AKAP6: variants seen among roughly 807,000 people sequenced by gnomAD.
AKAP6 encodes the protein A-kinase anchor protein 6.
In AKAP6, 58 loss-of-function variants were observed where a neutral mutation model predicts 188.5. The observed-to-expected ratio is 0.31, with a 90% CI of 0.25 to 0.38. The LOEUF (loss-of-function observed/expected upper bound fraction) is 0.38, where lower values mean the gene tolerates loss of function less well. AKAP6 is among the 10% of genes least tolerant of loss of function. The pLI is 1.00. For missense variants in AKAP6, 2,710 were observed against 2,740.0 expected (o/e 0.99, Z 0.24); for synonymous variants, 989 against 998.6 (o/e 0.99, Z 0.18).
chr14:32,658,388 A>G (rs996303663), intron 7 of AKAP6, among the ~76,000 whole-genome samples: 1 of 152,048 alleles, frequency 6.6e-6, no homozygotes, highest in Non-Finnish European at 1.5e-5. Context: ...TTAATATTCT[A>G]AATTTGATGT....
In AKAP6 at chr14:32,823,758, A is replaced by C; in HGVS notation, c.5945A>C (p.Lys1982Thr). The C allele has an allele frequency of 6.2e-7, 1 of 1,613,684 alleles. No homozygotes were observed. Among genetic ancestry groups the C allele is most frequent in the Non-Finnish European group, 8.5e-7 (1 of 1,179,926 alleles). Residue 1982 changes from lysine (K) to threonine (T), a missense_variant, in exon 13 of 14, where the codon AAG becomes ACG. Around this residue, in one of 2 missense-constraint regions of AKAP6, gnomAD observed 2,473 missense variants for 2,426.1 expected, o/e 1.02. Coordinates refer to ENST00000280979, the MANE Select transcript of AKAP6 (RefSeq NM_004274.5). The stretch of plus-strand genomic sequence containing the variant: ...AGCACTGCCTCTACTCCCACTGAGA[A>C]GTCTTTCTCAGAACTGGCTTTAGAA... ...NQSTASTPTEKSFSELALETR... is the reference protein window; with the variant it reads ...NQSTASTPTETSFSELALETR...
At position 32,635,011 on chromosome 14, in the gene AKAP6, T is replaced by G. The variant is rs147271365; in HGVS notation, c.2730+34219T>G. On this transcript the variant is annotated intron_variant, in intron 7 of 13. Transcript: ENST00000280979. ...TACCCATCATGGGGTTAGTTTTCAG[T>G]GTAAACTCAAGAGTGACCCTCAGTA... Among the ~76,000 whole-genome samples the G allele has an allele frequency of 3.9e-3, 599 of 152,114 alleles. 2 individuals are homozygous for G. Among genetic ancestry groups the G allele is most frequent in the African/African-American group, 0.013 (560 of 41,516 alleles).
intron 7 of AKAP6, among the ~76,000 whole-genome samples, chr14:32,607,351 A>C (rs10138218): frequency 0.59 from 89,055 of 152,148 alleles, 26,786 homozygotes; most frequent in East Asian, 0.94. Context: ...ATACTGATGC[A>C]CATATTTGTA....
At chr14:32,764,830 C>T (rs2032656825) in intron 11 of AKAP6, among the ~76,000 whole-genome samples, 2 of 151,934 alleles carry the variant, frequency 1.3e-5, no homozygotes, top group Non-Finnish European at 2.9e-5. Flanking sequence ...GTCATTACTG[C>T]TGGAGATTAG....
rs571792408 is a variant in AKAP6 at position 32,409,205 on chromosome 14, C to CAAAA, written c.-34-24255_-34-24254insAAAA. Among the ~76,000 whole-genome samples, 365 of 152,214 alleles carry CAAAA rather than the reference C, an allele frequency of 2.4e-3. 1 individual carries two copies. The highest frequency in any genetic ancestry group is 5.3e-3 in the African/African-American group (222 of 41,496). On this transcript the variant is annotated intron_variant, in intron 1 of 13. Coordinates refer to ENST00000280979, the MANE Select transcript of AKAP6 (RefSeq NM_004274.5). Reference sequence around the variant, plus strand: ...ACAGAGCAAGACTCCGTCTCAAAAACCAAAACAAAACAAAAAAGATTAGCA... The same window carrying CAAAA: ...ACAGAGCAAGACTCCGTCTCAAAAACAAAACAAAACAAAACAAAAAAGATTAGCA...
intron 2 of AKAP6, among the ~76,000 whole-genome samples, chr14:32,532,533 CAT>C (rs1882469500): frequency 6.6e-6 from 1 of 152,152 alleles, no homozygotes; most frequent in African/African-American, 2.4e-5. Context: ...GGAGCCAAAT[CAT>C]GTATAAGAGG....
intron 12 of AKAP6, among the ~76,000 whole-genome samples, chr14:32,782,080 G>T (rs2033268657): frequency 6.6e-6 from 1 of 151,124 alleles, no homozygotes; most frequent in African/African-American, 2.4e-5. Flanking sequence ...CAGGAGAATT[G>T]CTTCAACCTG....
intron 4 of AKAP6, among the ~76,000 whole-genome samples, chr14:32,573,472 T>C (rs1024956565): frequency 1.3e-5 from 2 of 152,150 alleles, no homozygotes; most frequent in African/African-American, 2.4e-5. Flanking sequence ...AATTTCACAA[T>C]ATCCAGAAGA....
intron 2 of AKAP6, among the ~76,000 whole-genome samples, chr14:32,434,555 G>T (rs1001259418): frequency 4.6e-5 from 7 of 152,196 alleles, no homozygotes; most frequent in African/African-American, 1.7e-4. Flanking sequence ...TCAGTGACCT[G>T]CAGAGCAAGA....
chr14:32,475,469 A>G (rs1406022420), intron 2 of AKAP6, among the ~76,000 whole-genome samples: 3 of 152,288 alleles, frequency 2.0e-5, no homozygotes, highest in Non-Finnish European at 4.4e-5. Context: ...ATTTTGGGCA[A>G]GATGTCTTGA....
chr14:32,798,337 G>T (rs1161318708), intron 12 of AKAP6, among the ~76,000 whole-genome samples: 1 of 152,146 alleles, frequency 6.6e-6, no homozygotes, highest in South Asian at 2.1e-4. Flanking sequence ...GCAGTTTGGA[G>T]AGTTCTCAAA....
At chr14:32,733,343 T>C (rs980578314) in intron 10 of AKAP6, 5 of 152,096 alleles carry the variant, frequency 3.3e-5, no homozygotes, top group Non-Finnish European at 7.4e-5. Flanking sequence ...ACTGTATTTT[T>C]TCATCAGCTT....
intron 1 of AKAP6, among the ~76,000 whole-genome samples, chr14:32,340,434 C>A (rs1009525541): frequency 6.6e-6 from 1 of 152,146 alleles, no homozygotes. Flanking sequence ...TCCCTGCTGA[C>A]ATACTCTTCC....
At chr14:32,687,429 TC>T (rs1566647286) in intron 8 of AKAP6, among the ~76,000 whole-genome samples, 3,401 of 149,834 alleles carry the variant, frequency 0.023, 145 homozygotes, top group African/African-American at 0.08. Context: ...TCTCTCTCTC[TC>T]TCTCTCTCTC....
chr14:32,481,414 G>T (rs973645103), intron 2 of AKAP6, among the ~76,000 whole-genome samples: 1 of 152,064 alleles, frequency 6.6e-6, no homozygotes, highest in Non-Finnish European at 1.5e-5. Flanking sequence ...AGACATACCC[G>T]GGACTGGGTA....
At chr14:32,548,647 A>G (rs1434378290) in intron 4 of AKAP6, among the ~76,000 whole-genome samples, 2 of 150,558 alleles carry the variant, frequency 1.3e-5, no homozygotes, top group East Asian at 5.0e-4. Flanking sequence ...AGACAGACTG[A>G]CAGACAGACA....
At chr14:32,817,278 G>A (rs1955480) in intron 12 of AKAP6, among the ~76,000 whole-genome samples, 150,258 of 152,320 alleles carry the variant, frequency 0.99, 74,142 homozygotes, top group East Asian at 1. Context: ...TACCTGCCAC[G>A]GTTGGAATCT....
At chr14:32,338,475 C>T (rs1951689) in intron 1 of AKAP6, among the ~76,000 whole-genome samples, 2,667 of 143,734 alleles carry the variant, frequency 0.019, 83 homozygotes, top group African/African-American at 0.068. Context: ...TCCTAACATC[C>T]AGCAATTTAT....
intron 1 of AKAP6, among the ~76,000 whole-genome samples, chr14:32,431,644 C>G (rs1197055700): frequency 6.6e-6 from 1 of 152,174 alleles, no homozygotes; most frequent in African/African-American, 2.4e-5. Flanking sequence ...TCCTGAGTAG[C>G]TGGGATTACA....
Sources: allele counts gnomAD v4.1 joint callset (sites outside exome capture counted in the v4.1 genomes callset), GRCh38; gene constraint gnomAD v4.1.1; regional missense constraint gnomAD v4.1.1; transcripts MANE v1.5; gene names NCBI Gene and HGNC (gene_info 2026-07-23, HGNC 2026-07-21).